C7: variants seen among roughly 807,000 people sequenced by gnomAD.
C7 encodes complement component C7.
In C7, 83 loss-of-function variants were observed where a neutral mutation model predicts 104.8. The ratio of observed to expected loss-of-function variants is 0.79; its 90% CI spans 0.66 to 0.95. C7 has a LOEUF of 0.95. Ranked by LOEUF, C7 falls within the 40% of genes least tolerant of loss-of-function variation. C7 has a pLI of 0.00. For missense variants in C7, 1,070 were observed against 1,011.2 expected (o/e 1.06, Z -0.79); for synonymous variants, 415 against 360.6 (o/e 1.15, Z -1.71).
At chr5:40,965,035 C>T (rs1028265208) in intron 14 of C7, among the ~76,000 whole-genome samples, 162 bp downstream of exon 14, 3 of 152,188 alleles carry the variant, frequency 2.0e-5, no homozygotes, top group African/African-American at 7.2e-5. Flanking sequence ...AATAAGCCCT[C>T]CGCCTTCTCT....
chr5:40,925,862 C>G (rs1019352514), intron 1 of C7, among the ~76,000 whole-genome samples: 2 of 152,146 alleles, frequency 1.3e-5, no homozygotes, highest in African/African-American at 2.4e-5. Flanking sequence ...CATTTTCAAA[C>G]CCTTCCAAAA....
At position 40,918,356 on chromosome 5, in the gene C7, C is replaced by CA. The variant is rs1041501239; in HGVS notation, c.6+8749dup. On this transcript the variant is annotated intron_variant, in intron 1 of 17. Coordinates refer to ENST00000313164, the MANE Select transcript of C7 (RefSeq NM_000587.4). The stretch of plus-strand genomic sequence containing the variant: ...GCCTGGGCAAGAGAGGCCCTATCTC[C>CA]AAAAAAAAAGTATCTACAATACCAC... Among the ~76,000 whole-genome samples, 5 of 149,276 alleles carry CA rather than the reference C, an allele frequency of 3.3e-5. No homozygotes were observed. In the East Asian group the frequency reaches 5.9e-4, roughly 18 times the overall value.
chr5:40,948,005 A>G lies in C7; in HGVS notation c.982+160A>G, dbSNP rs141773886. Among the ~76,000 whole-genome samples, 222 of 152,278 alleles carry G rather than the reference A, an allele frequency of 1.5e-3. 4 individuals carry two copies. In the East Asian group the frequency reaches 0.034, roughly 23 times the overall value. ...CAAGAATGTATTATTGTCTACTTAAAATCTTATATGGTTTAAGAAAAGCCT... is the reference window on the plus strand; with the variant it reads ...CAAGAATGTATTATTGTCTACTTAAGATCTTATATGGTTTAAGAAAAGCCT... On this transcript the variant is annotated intron_variant, in intron 8 of 17. Coordinates refer to ENST00000313164, the MANE Select transcript of C7 (RefSeq NM_000587.4).
At chr5:40,962,734 C>T (rs1338802035) in intron 13 of C7, among the ~76,000 whole-genome samples, 3 of 152,140 alleles carry the variant, frequency 2.0e-5, no homozygotes, top group East Asian at 1.9e-4. Context: ...GGGACATTTT[C>T]GTTAATGCTG....
chr5:40,911,980 C>T (rs1019972721), intron 1 of C7, among the ~76,000 whole-genome samples: 3 of 151,590 alleles, frequency 2.0e-5, no homozygotes, highest in African/African-American at 7.3e-5. Flanking sequence ...GAACTCCTGA[C>T]CTCATGATCC....
At chr5:40,942,531 AG>A (rs1739961371) in intron 6 of C7, among the ~76,000 whole-genome samples, 1 of 152,224 alleles carries the variant, frequency 6.6e-6, no homozygotes, top group South Asian at 2.1e-4. Context: ...TTGTAAAGAA[AG>A]AGGTAAGATC....
chr5:40,954,922 A>AAAATAAAT (rs1298599309), intron 9 of C7: 3 of 285,904 alleles, frequency 1.0e-5, no homozygotes, highest in Non-Finnish European at 2.0e-5. Flanking sequence ...CACCAAAAAT[A>AAAATAAAT]AAATAAATAT....
chr5:40,947,869 T>C (rs1481809965), intron 8 of C7, 24 bp downstream of exon 8: 1 of 1,604,408 alleles, frequency 6.2e-7, no homozygotes, highest in Non-Finnish European at 8.5e-7. Flanking sequence ...AAATTCGTTG[T>C]CTAAAGGCAT....
intron 6 of C7, among the ~76,000 whole-genome samples, chr5:40,940,452 G>A (rs78193933): frequency 7.8e-4 from 119 of 152,292 alleles, no homozygotes; most frequent in East Asian, 6.0e-3. Context: ...AATGAATTAT[G>A]ATCAAGGTGG....
intron 15 of C7, among the ~76,000 whole-genome samples, chr5:40,975,096 A>T (rs1000632892): frequency 3.3e-5 from 5 of 152,196 alleles, no homozygotes; most frequent in African/African-American, 9.6e-5. Flanking sequence ...TACCATTTTT[A>T]AAAAATTTCA....
intron 10 of C7, among the ~76,000 whole-genome samples, chr5:40,957,641 G>A (rs980575162): frequency 1.3e-5 from 2 of 151,958 alleles, no homozygotes; most frequent in South Asian, 4.1e-4. Context: ...TTTTAGTAGA[G>A]ACGGGGTTTC....
chr5:40,916,019 G>T (rs910212779), intron 1 of C7, among the ~76,000 whole-genome samples: 1 of 152,270 alleles, frequency 6.6e-6, no homozygotes, highest in East Asian at 1.9e-4. Context: ...TAAATTGGAT[G>T]CATTTGATAT....
At position 40,982,520 on chromosome 5, in the gene C7, G is replaced by T. The variant is rs1061443; in HGVS notation, c.*947G>T. 27,336 of 152,216 alleles carry T rather than the reference G, an allele frequency of 0.18. 2,928 individuals carry two copies. Among genetic ancestry groups the T allele is most frequent in the Middle Eastern group, 0.36 (106 of 294 alleles). 9.4% of individuals were successfully genotyped at this position (152,216 alleles called of 1,614,324 possible). A position where few individuals can be genotyped will look rare whatever the true frequency, so the allele number is the denominator to read the frequency against. On this transcript the variant is annotated 3_prime_UTR_variant, in exon 18 of 18. Transcript: ENST00000313164. Reference sequence around the variant, plus strand: ...TTCATTATGCTGTGGTCACAGGGGTGTCTTGTCTGAGAACAAATACAATTC... The same window carrying T: ...TTCATTATGCTGTGGTCACAGGGGTTTCTTGTCTGAGAACAAATACAATTC...
intron 1 of C7, among the ~76,000 whole-genome samples, chr5:40,922,746 G>A (rs1339275583): frequency 6.7e-6 from 1 of 149,432 alleles, no homozygotes; most frequent in Non-Finnish European, 1.5e-5. Flanking sequence ...ATCTCTGTAA[G>A]AAATGGTTTT....
chr5:40,945,451 G>A (rs1450876712), intron 7 of C7, 83 bp downstream of exon 7: 3 of 898,878 alleles, frequency 3.3e-6, no homozygotes, highest in African/African-American at 1.7e-5. Flanking sequence ...TTTATCAAAA[G>A]GATCAGCTTT....
intron 6 of C7, among the ~76,000 whole-genome samples, chr5:40,939,575 A>G (rs947081256): frequency 6.6e-6 from 1 of 152,220 alleles, no homozygotes; most frequent in Non-Finnish European, 1.5e-5. Context: ...GGTGAATAAC[A>G]TGTATTACAA....
intron 1 of C7, 74 bp from the exon 2 acceptor site, chr5:40,928,506 A>G (rs1228165145): frequency 3.6e-6 from 3 of 842,962 alleles, no homozygotes; most frequent in African/African-American, 3.5e-5. Flanking sequence ...AATTTATACA[A>G]TTATAAATTG....
chr5:40,921,597 A>T (rs1279035500), intron 1 of C7, among the ~76,000 whole-genome samples: 1 of 119,396 alleles, frequency 8.4e-6, no homozygotes, highest in African/African-American at 4.1e-5. Flanking sequence ...AAACAAAAGT[A>T]GTTTATACAA....
At chr5:40,978,937 TAG>T (rs1244552352) in intron 16 of C7, among the ~76,000 whole-genome samples, 4 of 143,198 alleles carry the variant, frequency 2.8e-5, no homozygotes, top group African/African-American at 1.0e-4. Context: ...TGGAATGCAG[TAG>T]TGCAATCTTG....
Sources: allele counts gnomAD v4.1 joint callset (sites outside exome capture counted in the v4.1 genomes callset), GRCh38; gene constraint gnomAD v4.1.1; transcripts MANE v1.5; gene names NCBI Gene and HGNC (gene_info 2026-07-23, HGNC 2026-07-21).